GPHN: variants seen among roughly 807,000 people sequenced by gnomAD.
GPHN encodes gephyrin.
GPHN carries 17 observed loss-of-function variants against 95.5 expected under a neutral mutation model. The observed-to-expected ratio is 0.18, with a 90% CI of 0.12 to 0.27. The LOEUF is 0.27. Among genes scored for constraint, GPHN ranks in the 10% least tolerant of loss-of-function variants. The pLI, the probability that GPHN is intolerant of heterozygous loss-of-function variation, is 1.00. For synonymous variants in GPHN, 320 were observed against 322.5 expected, an observed-to-expected ratio of 0.99 and a Z score of 0.08; for missense variants, 660 against 978.1, an observed-to-expected ratio of 0.67 and a Z score of 4.34.
the GPHN span, chr14:67,674,300 G>T: frequency 7.4e-7 from 1 of 1,360,334 alleles, no homozygotes; most frequent in East Asian, 2.7e-5. Context: ...CCGGGTCTGG[G>T]AGGAAGGTGG....
chr14:67,108,752 T>G lies in GPHN; in HGVS notation c.1294-1388T>G, dbSNP rs189137379. On this transcript the variant is annotated intron_variant, in intron 13 of 22. Transcript: ENST00000478722. ...GTGTGTGTGTGTGTGTGTGTGTGTG[T>G]GGTTTATTTTACTTTGTCTTATTTT... Among the ~76,000 whole-genome samples, 438 of 149,876 alleles carry G rather than the reference T, an allele frequency of 2.9e-3. 2 individuals carry two copies. Among genetic ancestry groups the G allele is most frequent in the African/African-American group, 0.01 (411 of 40,756 alleles).
At chr14:67,664,254 T>G in the GPHN span, among the ~76,000 whole-genome samples, 1 of 152,318 alleles carries the variant, frequency 6.6e-6, no homozygotes, top group East Asian at 1.9e-4. Flanking sequence ...AACTTGTTTA[T>G]CCTCTCAAAC....
At chr14:67,005,478 G>C (rs2072537270) in intron 9 of GPHN, among the ~76,000 whole-genome samples, 1 of 151,860 alleles carries the variant, frequency 6.6e-6, no homozygotes, top group South Asian at 2.1e-4. Context: ...AATAGAAATG[G>C]AGAATATATG....
At chr14:67,258,489 CA>C in the GPHN span, among the ~76,000 whole-genome samples, 2 of 152,176 alleles carry the variant, frequency 1.3e-5, no homozygotes, top group African/African-American at 2.4e-5. Context: ...GGTGTGATCA[CA>C]GCTTACTGCA....
chr14:67,535,172 T>G, the GPHN span, among the ~76,000 whole-genome samples: 17 of 152,216 alleles, frequency 1.1e-4, no homozygotes, highest in Non-Finnish European at 2.1e-4. Context: ...TGCCTGTAGA[T>G]GCTCTGAATA....
intron 2 of GPHN, chr14:66,709,275 CTG>C: frequency 2.2e-6 from 1 of 453,140 alleles, no homozygotes; most frequent in South Asian, 1.6e-5. Flanking sequence ...GATTAGAACT[CTG>C]TATTAGATTG....
chr14:67,111,792 G>A (rs1164041858), intron 14 of GPHN, 69 bp from the exon 15 acceptor site: 2 of 1,143,274 alleles, frequency 1.7e-6, no homozygotes, highest in African/African-American at 1.5e-5. Context: ...GATGGTAAAA[G>A]TATCGGAGTA....
At chr14:67,719,250 A>G in the GPHN span, among the ~76,000 whole-genome samples, 2 of 152,218 alleles carry the variant, frequency 1.3e-5, no homozygotes, top group South Asian at 4.1e-4. Context: ...TAGAAAGAAA[A>G]CAATGTCCCT....
chr14:67,623,218 TC>T, the GPHN span, among the ~76,000 whole-genome samples: 1 of 152,214 alleles, frequency 6.6e-6, no homozygotes, highest in African/African-American at 2.4e-5. Flanking sequence ...TTGGCTAATC[TC>T]CTGGAATATA....
the GPHN span, among the ~76,000 whole-genome samples, chr14:67,402,360 T>G: frequency 6.6e-6 from 1 of 152,218 alleles, no homozygotes; most frequent in Admixed American, 6.5e-5. Flanking sequence ...ATACATTGCA[T>G]AATAATCACA....
the GPHN span, among the ~76,000 whole-genome samples, chr14:67,448,178 A>C: frequency 9.5e-6 from 1 of 104,752 alleles, no homozygotes; most frequent in African/African-American, 3.9e-5. Flanking sequence ...TTGCTCTGTC[A>C]CCCAGGCTGG....
At chr14:67,461,979 T>C in the GPHN span, among the ~76,000 whole-genome samples, 1 of 152,254 alleles carries the variant, frequency 6.6e-6, no homozygotes, top group African/African-American at 2.4e-5. Flanking sequence ...TCCCTGGAGC[T>C]GCCCAGTGGG....
At chr14:67,022,541 C>CTTTTTT (rs1214143019) in intron 9 of GPHN, among the ~76,000 whole-genome samples, 1 of 18,900 alleles carries the variant, frequency 5.3e-5, no homozygotes, top group African/African-American at 2.2e-4. Context: ...ATTATTTTTC[C>CTTTTTT]TTTTTTTTTT....
the GPHN span, chr14:67,374,325 T>G: frequency 8.3e-5 from 39 of 467,276 alleles, no homozygotes; most frequent in East Asian, 1.1e-3. Context: ...CTTGTAATAC[T>G]TATGCAGTAT....
In GPHN at chr14:67,072,628, T is replaced by G. The variant is rs929555006; in HGVS notation, c.1144+13842T>G. The stretch of plus-strand genomic sequence containing the variant: ...AGATTCTAATCAACAATACTCTTTC[T>G]TATGTGTCTGAATGTGTATAAGAAT... On this transcript the variant is annotated intron_variant, in intron 11 of 22. Coordinates refer to ENST00000478722, the MANE Select transcript of GPHN (RefSeq NM_020806.5). Among the ~76,000 whole-genome samples, 5 of 152,280 alleles carry G rather than the reference T, an allele frequency of 3.3e-5. No homozygotes were observed. In the East Asian group the frequency reaches 9.6e-4, roughly 29 times the overall value.
chr14:67,145,573 C>T (rs188637434), intron 18 of GPHN, among the ~76,000 whole-genome samples: 24 of 152,212 alleles, frequency 1.6e-4, no homozygotes, highest in East Asian at 1.5e-3. Context: ...CCCTTCCTAC[C>T]TCCTTGAGTG....
At chr14:66,754,522 T>C (rs941880362) in intron 2 of GPHN, among the ~76,000 whole-genome samples, 1 of 151,976 alleles carries the variant, frequency 6.6e-6, no homozygotes, top group Non-Finnish European at 1.5e-5. Context: ...GGTGAAGAAA[T>C]GTGTAAGATA....
the GPHN span, among the ~76,000 whole-genome samples, chr14:67,506,358 C>G: frequency 6.6e-6 from 1 of 152,280 alleles, no homozygotes; most frequent in Non-Finnish European, 1.5e-5. Context: ...ACTAATCCCA[C>G]TGGATAAACA....
intron 8 of GPHN, among the ~76,000 whole-genome samples, chr14:66,957,124 A>G (rs2068567896): frequency 6.6e-6 from 1 of 151,526 alleles, no homozygotes; most frequent in Non-Finnish European, 1.5e-5. Context: ...TAATAATAAA[A>G]AAAAAAGAAA....
Sources: gnomAD v4.1 joint callset for allele counts (sites outside exome capture counted in the v4.1 genomes callset) on GRCh38, gnomAD v4.1.1 for gene constraint, MANE v1.5 for transcripts, NCBI Gene and HGNC (gene_info 2026-07-23, HGNC 2026-07-21) for gene names.